Variants in ALDH7A1 observed in about 807,000 individuals in gnomAD.
ALDH7A1 encodes the protein alpha-aminoadipic semialdehyde dehydrogenase.
A neutral mutation model predicts 79.9 loss-of-function variants in ALDH7A1; 63 were observed. The ratio of observed to expected loss-of-function variants is 0.79; its 90% confidence interval spans 0.64 to 0.97. The LOEUF (loss-of-function observed/expected upper bound fraction) is 0.97, where lower values mean the gene tolerates loss of function less well. Ranked by LOEUF, ALDH7A1 falls within the 50% of genes least tolerant of loss-of-function variation. The pLI is 0.00. For synonymous variants in ALDH7A1, 240 were observed against 231.2 expected (o/e 1.04, Z -0.34); for missense variants, 627 against 665.2 (o/e 0.94, Z 0.63).
At position 126,544,599 on chromosome 5, in the gene ALDH7A1, A is replaced by G; in HGVS notation, c.*366T>C. 3.2e-6 allele frequency: 1 copy of G among 307,768 alleles called. No homozygotes were observed. The highest frequency in any genetic ancestry group is 3.1e-5 in the South Asian group (1 of 32,018). 19.1% of individuals were successfully genotyped at this position (307,768 alleles called of 1,614,324 possible). A position where few individuals can be genotyped will look rare whatever the true frequency, so the allele number is the denominator to read the frequency against. ...TTCACTTGGTCAGGAGACACCCTGT[A>G]TCTACTGCAAAGACTTCTGTTTTCT... On this transcript the variant is annotated 3_prime_UTR_variant, in exon 18 of 18. Transcript: ENST00000409134.
intron 9 of ALDH7A1, among the ~76,000 whole-genome samples, chr5:126,566,423 A>C (rs1246123576): frequency 6.6e-6 from 1 of 152,138 alleles, no homozygotes; most frequent in African/African-American, 2.4e-5. Flanking sequence ...TTTGTATCTC[A>C]ATCTTGAGTC....
intron 5 of ALDH7A1, among the ~76,000 whole-genome samples, chr5:126,578,811 C>A (rs1182938880): frequency 6.6e-6 from 1 of 152,126 alleles, no homozygotes; most frequent in Non-Finnish European, 1.5e-5. Flanking sequence ...GTTCACAAAT[C>A]CCAGTTAAAA....
intron 3 of ALDH7A1, among the ~76,000 whole-genome samples, chr5:126,591,316 A>G (rs1167408626): frequency 6.6e-6 from 1 of 152,048 alleles, no homozygotes; most frequent in Non-Finnish European, 1.5e-5. Flanking sequence ...ACCCTAGGCC[A>G]TACTTCTATC....
In ALDH7A1 at chr5:126,592,664, A is replaced by G; in HGVS notation, c.312T>C (p.Asp104=). The change falls in exon 3 of 18, where the codon GAT becomes GAC. Residue 104 remains aspartate (D), a splice_region_variant and synonymous_variant. Transcript: ENST00000409134. The part of the protein sequence containing the change: ...KAREAWKIWA[D]IPAPKRGEIV... ...TTCTAGAAACAAAGGCCATACTTAC[A>G]TCTGCCCAGATTTTCCATGCTTCTC... 6.2e-7 allele frequency: 1 copy of G among 1,613,804 alleles called. No individual in the cohort carries two copies. Among genetic ancestry groups the G allele is most frequent in the Non-Finnish European group, 8.5e-7 (1 of 1,179,726 alleles).
intron 3 of ALDH7A1, among the ~76,000 whole-genome samples, chr5:126,590,277 T>C (rs1260885730): frequency 1.3e-4 from 20 of 152,388 alleles, no homozygotes; most frequent in African/African-American, 4.8e-4. Flanking sequence ...GCCTGGCCGC[T>C]GTGCAACCTT....
chr5:126,568,353 T>C lies in ALDH7A1; in HGVS notation c.777A>G (p.Thr259=). The C allele has an allele frequency of 6.2e-7, 1 of 1,614,038 alleles. No individual in the cohort carries two copies. The highest frequency in any genetic ancestry group is 8.5e-7 in the Non-Finnish European group (1 of 1,179,936). The change falls in exon 9 of 18, where the codon ACA becomes ACG. Residue 259 remains threonine, a synonymous_variant. Coordinates refer to ENST00000409134, the MANE Select transcript of ALDH7A1 (RefSeq NM_001182.5). ...TCACTCGTTCATCTTTGGCCATTGC[T>C]GTGCTGCAAGGGAACAGACACGGTC... ...SLTCGGADIG[T]AMAKDERVNL... is the part of the protein sequence containing the mutation.
intron 5 of ALDH7A1, among the ~76,000 whole-genome samples, chr5:126,578,373 G>A (rs532213748): frequency 1.2e-3 from 180 of 152,240 alleles, no homozygotes; most frequent in African/African-American, 4.2e-3. Context: ...GCTAGGAGCA[G>A]TGGCTCATGC....
Position 126,595,022 on chromosome 5 carries a change from C to G in ALDH7A1, c.177G>C (p.Trp59Cys). 2.5e-6 allele frequency: 4 copies of G among 1,605,866 alleles called. No individual in the cohort carries two copies. The highest frequency in any genetic ancestry group is 1.7e-6 in the Non-Finnish European group (2 of 1,177,008). Residue 59 changes from tryptophan to cysteine, a missense_variant, in exon 1 of 18, where the codon TGG becomes TGC. By Grantham distance (215) the Trp-to-Cys change is radical (BLOSUM62 -2). Coordinates refer to ENST00000409134, the MANE Select transcript of ALDH7A1 (RefSeq NM_001182.5). The stretch of plus-strand genomic sequence containing the variant: ...GCCCGCGTACCTCTCCCCGGCCTCC[C>G]CAGCTTCCATTATACACGCCCTCGT... ...EENEGVYNGS[W>C]GGRGEVITTY...
chr5:126,591,780 G>A (rs1467345245), intron 3 of ALDH7A1: 1 of 152,374 alleles, frequency 6.6e-6, no homozygotes, highest in African/African-American at 2.4e-5. Flanking sequence ...AGTGTGGCCA[G>A]CCCAGCACCA....
chr5:126,553,815 AAAAC>A (rs1750083614), intron 13 of ALDH7A1, among the ~76,000 whole-genome samples: 2 of 152,078 alleles, frequency 1.3e-5, no homozygotes, highest in African/African-American at 4.8e-5. Context: ...CCCTGTCACA[AAAAC>A]AAACAGAGCC....
At chr5:126,558,329 C>A (rs1697885619) in intron 11 of ALDH7A1, among the ~76,000 whole-genome samples, 1 of 151,976 alleles carries the variant, frequency 6.6e-6, no homozygotes, top group Non-Finnish European at 1.5e-5. Context: ...CTTCCCAAAT[C>A]CCATATTGAA....
chr5:126,558,068 T>G (rs1750263549), intron 11 of ALDH7A1, among the ~76,000 whole-genome samples: 1 of 141,584 alleles, frequency 7.1e-6, no homozygotes, highest in Admixed American at 7.8e-5. Flanking sequence ...CTCAGGAGGG[T>G]GAGGCAGGAG....
At chr5:126,585,036 C>T (rs957044817) in intron 3 of ALDH7A1, among the ~76,000 whole-genome samples, 8 of 152,176 alleles carry the variant, frequency 5.3e-5, no homozygotes, top group Non-Finnish European at 1.0e-4. Context: ...CGGTGGCTCA[C>T]GTCTATAATC....
intron 5 of ALDH7A1, among the ~76,000 whole-genome samples, chr5:126,578,316 T>C (rs1751046135): frequency 6.6e-6 from 1 of 150,722 alleles, no homozygotes; most frequent in South Asian, 2.1e-4. Context: ...ATAAAATGAA[T>C]TACGCAAATC....
intron 8 of ALDH7A1, chr5:126,569,402 T>A: frequency 1.3e-5 from 2 of 152,152 alleles, no homozygotes; most frequent in African/African-American, 4.8e-5. Flanking sequence ...TCCAGTTGCT[T>A]CTAAGGAATG....
intron 5 of ALDH7A1, among the ~76,000 whole-genome samples, chr5:126,578,149 C>T (rs187376146): frequency 0.015 from 2,207 of 151,626 alleles, 24 homozygotes; most frequent in Middle Eastern, 0.031. Context: ...ATTAGCCGGG[C>T]GTGGTGGCGG....
chr5:126,555,045 T>G (rs943030893), intron 12 of ALDH7A1: 1 of 157,598 alleles, frequency 6.3e-6, no homozygotes, highest in Non-Finnish European at 1.4e-5. Flanking sequence ...TGAAAGGATG[T>G]TGGAGAAGGT....
At chr5:126,580,825 CA>C (rs1687697342) in intron 5 of ALDH7A1, among the ~76,000 whole-genome samples, 1 of 147,924 alleles carries the variant, frequency 6.8e-6, no homozygotes, top group Non-Finnish European at 1.5e-5. Flanking sequence ...CTCTTAACCT[CA>C]TTTTTTTTTT....
At chr5:126,585,599 A>G (rs972512098) in intron 3 of ALDH7A1, among the ~76,000 whole-genome samples, 2 of 152,120 alleles carry the variant, frequency 1.3e-5, no homozygotes, top group African/African-American at 4.8e-5. Flanking sequence ...TCGCTCTGTC[A>G]CGCCCAGGCT....
Sources: gnomAD v4.1 joint callset for allele counts (sites outside exome capture counted in the v4.1 genomes callset) on GRCh38, gnomAD v4.1.1 for gene constraint, MANE v1.5 for transcripts, NCBI Gene and HGNC (gene_info 2026-07-23, HGNC 2026-07-21) for gene names.